RANGAP1: variants seen among roughly 807,000 people sequenced by gnomAD.
The protein encoded by RANGAP1 is Ran GTPase activating protein 1, also known as ran GTPase-activating protein 1.
RANGAP1 carries 38 observed loss-of-function variants against 63.5 expected under a neutral mutation model. The observed-to-expected ratio is 0.60, with a 90% CI of 0.46 to 0.78. The LOEUF (loss-of-function observed/expected upper bound fraction) is 0.78, where lower values mean the gene tolerates loss of function less well. Ranked by LOEUF, RANGAP1 falls within the 30% of genes least tolerant of loss-of-function variation. RANGAP1 has a pLI of 0.00. For synonymous variants in RANGAP1, 329 were observed against 310.5 expected, an observed-to-expected ratio of 1.06 and a Z score of -0.63; for missense variants, 630 against 740.3, an observed-to-expected ratio of 0.85 and a Z score of 1.73.
Position 41,274,583 on chromosome 22 carries a change from C to A in RANGAP1, c.240+17G>T. ...TTGTTCAAACCAGCCTGGGCCTACT[C>A]GCCCCACTCTGCTCACCTTCAACTC... On this transcript the variant is annotated intron_variant, in intron 3 of 15. Coordinates refer to ENST00000356244, the MANE Select transcript of RANGAP1 (RefSeq NM_002883.4). 6.2e-7 allele frequency: 1 copy of A among 1,613,422 alleles called. No homozygotes were observed. The highest frequency in any genetic ancestry group is 8.5e-7 in the Non-Finnish European group (1 of 1,179,606).
At chr22:41,250,910 C>T (rs1169583105) in intron 13 of RANGAP1, 97 bp downstream of exon 13, 16 of 991,690 alleles carry the variant, frequency 1.6e-5, no homozygotes, top group African/African-American at 6.4e-5. Flanking sequence ...CCCATGAGAG[C>T]GCTGGGGCTG....
chr22:41,283,010 A>T (rs926514105), intron 1 of RANGAP1, among the ~76,000 whole-genome samples: 16 of 152,106 alleles, frequency 1.1e-4, no homozygotes, highest in African/African-American at 3.4e-4. Flanking sequence ...TCTAACTTAT[A>T]ACCCTGGTTT....
rs557953093 is a variant in RANGAP1, at chr22:41,253,321, G to C, written c.1261-330C>G. Among the ~76,000 whole-genome samples the C allele has an allele frequency of 9.8e-5, 15 of 152,304 alleles. No individual in the cohort carries two copies. The South Asian group carries it at 3.1e-3, about 32-fold the overall frequency. On this transcript the variant is annotated intron_variant, in intron 11 of 15. Coordinates refer to ENST00000356244, the MANE Select transcript of RANGAP1 (RefSeq NM_002883.4). Reference sequence around the variant, plus strand: ...ACGGAGGCACATGGGGGCTAAAGTGGGTCCCCGTAGAACTACAGTCCAGCC... The same window carrying C: ...ACGGAGGCACATGGGGGCTAAAGTGCGTCCCCGTAGAACTACAGTCCAGCC...
At chr22:41,297,955 G>A in the RANGAP1 span, among the ~76,000 whole-genome samples, 1 of 151,956 alleles carries the variant, frequency 6.6e-6, no homozygotes, top group Non-Finnish European at 1.5e-5. Context: ...CGCCTCCTGG[G>A]TTCAAGCGTT....
chr22:41,290,997 G>A (rs139084213), upstream of RANGAP1, among the ~76,000 whole-genome samples: 1,228 of 152,358 alleles, frequency 8.1e-3, 11 homozygotes, highest in Non-Finnish European at 0.014. Context: ...ACTGGTGGGA[G>A]TGGGTTGGCT....
At chr22:41,258,849 T>G (rs1393741486) in intron 6 of RANGAP1, among the ~76,000 whole-genome samples, 1 of 152,152 alleles carries the variant, frequency 6.6e-6, no homozygotes, top group Non-Finnish European at 1.5e-5. Flanking sequence ...AGATGGAGGT[T>G]TCACCATGTT....
At chr22:41,271,074 C>G (rs2034790460) in intron 3 of RANGAP1, among the ~76,000 whole-genome samples, 1 of 152,116 alleles carries the variant, frequency 6.6e-6, no homozygotes, top group Non-Finnish European at 1.5e-5. Flanking sequence ...AATGATCTCC[C>G]ACGAGAACAG....
chr22:41,287,701 T>C (rs1165069309), upstream of RANGAP1, among the ~76,000 whole-genome samples: 1 of 150,866 alleles, frequency 6.6e-6, no homozygotes, highest in African/African-American at 2.4e-5. Flanking sequence ...AAACAGATCA[T>C]GCAGGCTGGG....
intron 3 of RANGAP1, among the ~76,000 whole-genome samples, chr22:41,272,034 G>A (rs188954205): frequency 5.9e-5 from 9 of 152,336 alleles, no homozygotes; most frequent in Admixed American, 5.9e-4. Context: ...AACCTCTGAG[G>A]AAGAAGGAAG....
chr22:41,274,533 G>T, intron 3 of RANGAP1, 67 bp downstream of exon 3: 9 of 1,594,858 alleles, frequency 5.6e-6, no homozygotes, highest in Non-Finnish European at 7.7e-6. Flanking sequence ...ACACAGGCAG[G>T]GGTTGTGGAA....
At chr22:41,255,308 A>C (rs1243145932) in intron 10 of RANGAP1, among the ~76,000 whole-genome samples, 2 of 152,150 alleles carry the variant, frequency 1.3e-5, no homozygotes, top group Non-Finnish European at 2.9e-5. Context: ...AGCACCGAGG[A>C]GACACGACTG....
chr22:41,285,694 C>G (rs1206980400), intron 1 of RANGAP1: 3 of 984,920 alleles, frequency 3.0e-6, no homozygotes, highest in Non-Finnish European at 3.6e-6. Flanking sequence ...CGGACTCGCA[C>G]CGCCTCCGGT....
intron 6 of RANGAP1, among the ~76,000 whole-genome samples, chr22:41,259,270 T>C (rs983211765): frequency 2.0e-5 from 3 of 152,096 alleles, no homozygotes; most frequent in Non-Finnish European, 4.4e-5. Context: ...CTTCAGGTGC[T>C]CAGTGCAGCA....
chr22:41,288,919 G>GC (rs1322927349), upstream of RANGAP1, among the ~76,000 whole-genome samples: 1 of 82,972 alleles, frequency 1.2e-5, no homozygotes, highest in African/African-American at 4.5e-5. Flanking sequence ...CCTATATCCT[G>GC]ATTTTTTTTT....
chr22:41,246,940 T>C (rs1047595312), intron 15 of RANGAP1, among the ~76,000 whole-genome samples: 4 of 152,200 alleles, frequency 2.6e-5, no homozygotes, highest in East Asian at 1.9e-4. Context: ...CCAGCAGACA[T>C]AGGCCAGGGA....
rs2033667862 is a variant in RANGAP1, at chr22:41,254,288, G to A, written c.1260+20C>T. 6.2e-7 allele frequency: 1 copy of A among 1,613,818 alleles called. No homozygotes were observed. The highest frequency in any genetic ancestry group is 1.3e-5 in the African/African-American group (1 of 74,874). ...TTCTCAGGACCAGGGCTCTGATTGT[G>A]GCAGATGATAGAAACTCACCCCAGT... On this transcript the variant is annotated intron_variant, in intron 11 of 15. Transcript: ENST00000356244.
chr22:41,279,521 T>A (rs1003548887), intron 2 of RANGAP1, among the ~76,000 whole-genome samples: 1 of 151,362 alleles, frequency 6.6e-6, no homozygotes, highest in South Asian at 2.1e-4. Context: ...TGTACACACC[T>A]GTAGTCCCAG....
At position 41,259,728 on chromosome 22, in the gene RANGAP1, C is replaced by T. The variant is rs151105547; in HGVS notation, c.616-1622G>A. On this transcript the variant is annotated intron_variant, in intron 6 of 15. Coordinates refer to ENST00000356244, the MANE Select transcript of RANGAP1 (RefSeq NM_002883.4). ...ATTTTTTTAAAAATTTTAAGCTGGG[C>T]GCAGTGGCTTATGCCTATAATCCCA... is the stretch of plus-strand genomic sequence containing the variant. 2.1e-3 allele frequency among the ~76,000 whole-genome samples: 317 copies of T among 152,168 alleles called. 3 individuals carry two copies. Among genetic ancestry groups the T allele is most frequent in the Middle Eastern group, 0.014 (4 of 294 alleles).
chr22:41,262,999 C>T (rs1329165352), intron 5 of RANGAP1, among the ~76,000 whole-genome samples: 1 of 152,208 alleles, frequency 6.6e-6, no homozygotes, highest in Admixed American at 6.5e-5. Context: ...GGCGTCTGAG[C>T]TCCCAAGAGG....
Sources: allele counts gnomAD v4.1 joint callset (sites outside exome capture counted in the v4.1 genomes callset), GRCh38; gene constraint gnomAD v4.1.1; transcripts MANE v1.5; gene names NCBI Gene and HGNC (gene_info 2026-07-23, HGNC 2026-07-21).